The following ZNF718 variants were observed in gnomAD, a reference collection of about 807,000 sequenced individuals.
ZNF718 encodes the protein zinc finger protein 718.
Under a neutral mutation model 2.6 loss-of-function variants are expected in ZNF718, and 3 were observed. The observed-to-expected ratio is 1.16, with a 90% CI of 0.53 to 3.01. ZNF718 has a LOEUF of 3.01. ZNF718 is among the 30% of genes most tolerant of loss of function. The probability of loss-of-function intolerance (pLI) is 0.03; values close to 1 mark genes in which losing one functional copy is unlikely to be tolerated. For synonymous variants in ZNF718, 135 were observed against 77.9 expected, an observed-to-expected ratio of 1.73 and a Z score of -3.86; for missense variants, 468 against 230.0, an observed-to-expected ratio of 2.03 and a Z score of -6.69.
chr4:149,922 G>A (rs560083956), intron 3 of ZNF718: 8 of 151,988 alleles, frequency 5.3e-5, no homozygotes, highest in South Asian at 2.1e-4. Flanking sequence ...TCAATTGTAC[G>A]GTCTAGTGAT....
rs1716958297 is a variant in ZNF718, at chr4:162,837, A to G, written c.*715A>G. ...AAGATATTTTGTAGATGCGGTAAGT[A>G]TGAAAAGATAGTCTGAAATTAAGAC... is the stretch of plus-strand genomic sequence containing the variant. On this transcript the variant is annotated 3_prime_UTR_variant, in exon 4 of 4. Coordinates refer to ENST00000510175, the MANE Select transcript of ZNF718 (RefSeq NM_001039127.6). The G allele has an allele frequency of 6.6e-6, 1 of 152,230 alleles. No homozygotes were observed. The allele number at this position is 152,230 out of a possible 1,614,324, so 9.4% of individuals were successfully genotyped here. A position where few individuals can be genotyped will look rare whatever the true frequency, so the allele number is the denominator to read the frequency against.
At chr4:158,055 A>G (rs1184991374) in intron 3 of ZNF718, among the ~76,000 whole-genome samples, 2 of 152,104 alleles carry the variant, frequency 1.3e-5, no homozygotes, top group Non-Finnish European at 2.9e-5. Context: ...ATATACACAC[A>G]TTTGTCATGG....
At chr4:142,918 T>C (rs750173172) in intron 3 of ZNF718, among the ~76,000 whole-genome samples, 1 of 152,208 alleles carries the variant, frequency 6.6e-6, no homozygotes, top group Non-Finnish European at 1.5e-5. Flanking sequence ...GAACTCTTGG[T>C]ATTTTCCTCC....
chr4:140,364 CCTT>C (rs1290947664), intron 3 of ZNF718, among the ~76,000 whole-genome samples: 1 of 152,130 alleles, frequency 6.6e-6, no homozygotes, highest in Non-Finnish European at 1.5e-5. Flanking sequence ...ACTAAACCCT[CCTT>C]GGAATTTTCT....
chr4:161,102 GA>G lies in ZNF718; in HGVS notation c.424del (p.Thr142GlnfsTer22), dbSNP rs781974194. 2.2e-5 allele frequency: 17 copies of G among 768,246 alleles called. No homozygotes were observed. The highest frequency in any genetic ancestry group is 4.1e-5 in the Non-Finnish European group (17 of 411,464). The allele number at this position is 768,246 out of a possible 1,614,324, so 47.6% of individuals were successfully genotyped here. A position where few individuals can be genotyped will look rare whatever the true frequency, so the allele number is the denominator to read the frequency against. Reference sequence around the variant, plus strand: ...TTAACCAATGCTTATTAACTACCCAGAAAAAAACAATTCAATCTAATATATG... The same window carrying G: ...TTAACCAATGCTTATTAACTACCCAGAAAAAACAATTCAATCTAATATATG... ...RINQCLLTTQ[K>X]KTIQSNICVK... On this transcript the variant is annotated frameshift_variant, in exon 4 of 4. Coordinates refer to ENST00000510175, the MANE Select transcript of ZNF718 (RefSeq NM_001039127.6). LOFTEE classifies it low-confidence loss of function (END_TRUNC).
chr4:199,146 G>T (rs923431539), intron 3 of ZNF718, among the ~76,000 whole-genome samples: 1 of 152,204 alleles, frequency 6.6e-6, no homozygotes, highest in Admixed American at 6.5e-5. Context: ...GGGCAGAATG[G>T]TTGATCAAGT....
rs1553816016 is a variant in ZNF718 at position 163,238 on chromosome 4, T to G, written c.*1116T>G. ...TCTCGCTCTGTCGCCCAGGCTGGAG[T>G]GCAGTGGCGGGATCTCGGCTCACTG... On this transcript the variant is annotated 3_prime_UTR_variant, in exon 4 of 4. Transcript: ENST00000510175. The G allele has an allele frequency of 1.3e-5, 2 of 151,378 alleles. No individual in the cohort carries two copies. Among genetic ancestry groups the G allele is most frequent in the Non-Finnish European group, 2.9e-5 (2 of 67,924 alleles). 9.4% of individuals were successfully genotyped at this position (151,378 alleles called of 1,614,324 possible).
chr4:133,187 A>ATATATAT (rs1166673188), intron 3 of ZNF718, among the ~76,000 whole-genome samples: 2 of 23,294 alleles, frequency 8.6e-5, no homozygotes, highest in African/African-American at 3.8e-4. Flanking sequence ...TAAAAAAAAA[A>ATATATAT]AAAAAAAAAT....
At chr4:187,370 G>T (rs1357249660) in intron 3 of ZNF718, among the ~76,000 whole-genome samples, 1 of 152,062 alleles carries the variant, frequency 6.6e-6, no homozygotes, top group African/African-American at 2.4e-5. Flanking sequence ...GGGACTACAG[G>T]TGTGCACCAC....
intron 3 of ZNF718, among the ~76,000 whole-genome samples, chr4:182,523 G>A (rs781883921): frequency 3.3e-5 from 5 of 151,810 alleles, no homozygotes; most frequent in Admixed American, 6.6e-5. Context: ...AACCTCCACC[G>A]CCTGGGTATA....
chr4:136,152 A>C (rs1490330108), intron 3 of ZNF718, among the ~76,000 whole-genome samples: 1 of 152,160 alleles, frequency 6.6e-6, no homozygotes, highest in Non-Finnish European at 1.5e-5. Context: ...GGCAGGCAGT[A>C]AGGCAGGGTT....
chr4:180,887 G>A (rs187097694), intron 3 of ZNF718, among the ~76,000 whole-genome samples: 2 of 152,230 alleles, frequency 1.3e-5, no homozygotes, highest in East Asian at 3.9e-4. Context: ...ACTCATAAGA[G>A]TTCTCTTAAT....
downstream of ZNF718, among the ~76,000 whole-genome samples, chr4:165,297 C>T (rs1226374524): frequency 2.6e-5 from 4 of 152,150 alleles, no homozygotes; most frequent in African/African-American, 7.2e-5. Flanking sequence ...ACTTAAGAGT[C>T]ATTTACTGTT....
At chr4:200,443 A>G (rs200495716) in intron 3 of ZNF718, among the ~76,000 whole-genome samples, 2 of 152,114 alleles carry the variant, frequency 1.3e-5, no homozygotes, top group East Asian at 3.9e-4. Context: ...TAATTTTTGT[A>G]TTTTTAGTAG....
At chr4:139,947 AT>A (rs1297663294) in intron 3 of ZNF718, among the ~76,000 whole-genome samples, 29 of 148,572 alleles carry the variant, frequency 2.0e-4, no homozygotes, top group Non-Finnish European at 1.8e-4. Context: ...GGTCTTTTTC[AT>A]TTTTTTTTCC....
chr4:168,174 A>C (rs1310837357), downstream of ZNF718, among the ~76,000 whole-genome samples: 1 of 152,112 alleles, frequency 6.6e-6, no homozygotes, highest in Non-Finnish European at 1.5e-5. Flanking sequence ...ATATGTTGAA[A>C]CAGCCTTGCA....
At chr4:134,482 C>T (rs1715472369) in intron 3 of ZNF718, among the ~76,000 whole-genome samples, 1 of 152,134 alleles carries the variant, frequency 6.6e-6, no homozygotes, top group South Asian at 2.1e-4. Context: ...ACTTAAGTTT[C>T]AAAATTGTGT....
At chr4:195,677 A>G (rs1227201971) in intron 3 of ZNF718, among the ~76,000 whole-genome samples, 1 of 151,916 alleles carries the variant, frequency 6.6e-6, no homozygotes, top group East Asian at 1.9e-4. Context: ...ATCTTCTGTT[A>G]GCAAAGCAGT....
In ZNF718 at chr4:136,077, G is replaced by A. The variant is rs552066141; in HGVS notation, c.226+4572G>A. On this transcript the variant is annotated intron_variant, in intron 3 of 3. Coordinates refer to ENST00000510175, the MANE Select transcript of ZNF718 (RefSeq NM_001039127.6). ...TTGATGGTTGTGTTACCGGAGATTT[G>A]GACAGTCATGGATTCTTTCTGGGCC... 7.1e-4 allele frequency among the ~76,000 whole-genome samples: 108 copies of A among 152,140 alleles called. 1 individual carries two copies. Among genetic ancestry groups the A allele is most frequent in the African/African-American group, 2.5e-3 (105 of 41,504 alleles).
Sources: allele counts gnomAD v4.1 joint callset (sites outside exome capture counted in the v4.1 genomes callset), GRCh38; gene constraint gnomAD v4.1.1; transcripts MANE v1.5; gene names NCBI Gene and HGNC (gene_info 2026-07-23, HGNC 2026-07-21).